Variants in ASTN2 observed in about 807,000 individuals in gnomAD.
ASTN2 encodes the protein astrotactin-2.
Under a neutral mutation model 139.8 loss-of-function variants are expected in ASTN2, and 54 were observed. The ratio of observed to expected loss-of-function variants is 0.39; its 90% CI spans 0.31 to 0.48. The LOEUF (loss-of-function observed/expected upper bound fraction) is 0.48. ASTN2 is among the 20% of genes least tolerant of loss of function. The pLI is 0.95. For missense variants in ASTN2, 1,565 were observed against 1,725.1 expected (o/e 0.91, Z 1.64); for synonymous variants, 756 against 719.5 (o/e 1.05, Z -0.81).
chr9:116,803,522 A>ATATATATATTTTT (rs1554748694), intron 13 of ASTN2, among the ~76,000 whole-genome samples: 4 of 21,122 alleles, frequency 1.9e-4, no homozygotes, highest in East Asian at 1.7e-3. Context: ...ATATATATAT[A>ATATATATATTTTT]TTTTTTTTTT....
chr9:116,562,928 G>C (rs919997606), intron 19 of ASTN2, among the ~76,000 whole-genome samples: 8 of 152,022 alleles, frequency 5.3e-5, no homozygotes, highest in African/African-American at 1.9e-4. Flanking sequence ...AAGTATGCTT[G>C]GTCTTAAAGA....
chr9:117,189,384 T>C (rs1831290100), intron 3 of ASTN2, among the ~76,000 whole-genome samples: 1 of 152,172 alleles, frequency 6.6e-6, no homozygotes, highest in Admixed American at 6.5e-5. Flanking sequence ...GTTGAAACGT[T>C]AAGATGGCAT....
intron 2 of ASTN2, among the ~76,000 whole-genome samples, chr9:117,237,584 A>T (rs1326532710): frequency 6.6e-6 from 1 of 152,126 alleles, no homozygotes; most frequent in Non-Finnish European, 1.5e-5. Context: ...GGTTCAAGCA[A>T]TTCTCTTGCC....
chr9:117,160,955 G>A (rs925720047), intron 3 of ASTN2, among the ~76,000 whole-genome samples: 13 of 151,546 alleles, frequency 8.6e-5, no homozygotes, highest in South Asian at 2.1e-4. Flanking sequence ...ACACACACAC[G>A]CACACATACA....
At chr9:116,658,748 T>TTA (rs1431405426) in intron 16 of ASTN2, among the ~76,000 whole-genome samples, 2 of 148,454 alleles carry the variant, frequency 1.3e-5, no homozygotes, top group Non-Finnish European at 3.0e-5. Flanking sequence ...TTTTTTTTTT[T>TTA]TTTTTTTTTT....
At chr9:116,544,750 G>A (rs954311032) in intron 19 of ASTN2, among the ~76,000 whole-genome samples, 2 of 152,148 alleles carry the variant, frequency 1.3e-5, no homozygotes, top group Admixed American at 6.5e-5. Context: ...TAGACCACAG[G>A]AGCAAACACA....
chr9:116,518,702 T>G (rs1850750047), intron 19 of ASTN2, among the ~76,000 whole-genome samples: 1 of 152,142 alleles, frequency 6.6e-6, no homozygotes, highest in Admixed American at 6.5e-5. Context: ...GCCTAAAGGC[T>G]CCACTTAAAA....
At position 116,851,769 on chromosome 9, in the gene ASTN2, C is replaced by G. The variant is rs141026196; in HGVS notation, c.2040+11814G>C. On this transcript the variant is annotated intron_variant, in intron 11 of 22. Transcript: ENST00000313400. Reference sequence around the variant, plus strand: ...TCCACCACTTCTGCCTGAAATTCCTCCAATGGAGAACCTCATCTTCTCCCT... The same window carrying G: ...TCCACCACTTCTGCCTGAAATTCCTGCAATGGAGAACCTCATCTTCTCCCT... Among the ~76,000 whole-genome samples, 922 of 152,282 alleles carry G rather than the reference C, an allele frequency of 6.1e-3. 8 individuals are homozygous for G. The highest frequency in any genetic ancestry group is 0.021 in the African/African-American group (867 of 41,558).
intron 11 of ASTN2, among the ~76,000 whole-genome samples, chr9:116,845,247 T>G (rs977719007): frequency 6.6e-6 from 1 of 152,174 alleles, no homozygotes; most frequent in Non-Finnish European, 1.5e-5. Context: ...CCCGAGTAGC[T>G]GGGACTACAG....
At chr9:117,037,815 C>G (rs1053429299) in intron 6 of ASTN2, among the ~76,000 whole-genome samples, 3 of 152,142 alleles carry the variant, frequency 2.0e-5, no homozygotes, top group African/African-American at 7.2e-5. Flanking sequence ...TTGCCATTTT[C>G]TGGCCACTTC....
chr9:116,488,154 T>C (rs1218277150), intron 19 of ASTN2, among the ~76,000 whole-genome samples: 1 of 152,214 alleles, frequency 6.6e-6, no homozygotes, highest in Non-Finnish European at 1.5e-5. Context: ...ATGTGCCACA[T>C]ATTTGTGATC....
Position 117,253,683 on chromosome 9 carries a change from C to T in ASTN2, c.630+37643G>A, listed in dbSNP as rs1007627354. On this transcript the variant is annotated intron_variant, in intron 2 of 22. Coordinates refer to ENST00000313400, the MANE Select transcript of ASTN2 (RefSeq NM_001365068.1). ...CAAGGAAATGGAAGCCAGAGAATTA[C>T]AGCAGTTGCCGGCAGTCGCTGTCCC... 3.3e-5 allele frequency among the ~76,000 whole-genome samples: 5 copies of T among 152,210 alleles called. No individual in the cohort carries two copies. In the East Asian group the frequency reaches 5.8e-4, roughly 18 times the overall value.
intron 4 of ASTN2, among the ~76,000 whole-genome samples, chr9:117,100,227 C>T (rs978124984): frequency 6.6e-6 from 1 of 152,214 alleles, no homozygotes; most frequent in African/African-American, 2.4e-5. Context: ...AAAGGCTTTC[C>T]CTTCTGGTCA....
At chr9:116,903,978 T>C (rs1564332801) in intron 10 of ASTN2, among the ~76,000 whole-genome samples, 1 of 152,196 alleles carries the variant, frequency 6.6e-6, no homozygotes, top group Admixed American at 6.5e-5. Flanking sequence ...TGATCAATGT[T>C]CATGTCTCAG....
intron 10 of ASTN2, among the ~76,000 whole-genome samples, chr9:116,864,516 C>G (rs1356070055): frequency 6.6e-6 from 1 of 152,186 alleles, no homozygotes; most frequent in Non-Finnish European, 1.5e-5. Context: ...AGATGGAATT[C>G]TCTACAATGG....
intron 14 of ASTN2, among the ~76,000 whole-genome samples, chr9:116,730,918 G>A (rs1006270072): frequency 1.3e-5 from 2 of 152,026 alleles, no homozygotes; most frequent in Non-Finnish European, 2.9e-5. Context: ...TTCTCCAATG[G>A]AATGGATGTC....
chr9:117,328,818 G>A (rs2130844549), intron 1 of ASTN2, among the ~76,000 whole-genome samples: 1 of 152,326 alleles, frequency 6.6e-6, no homozygotes, highest in South Asian at 2.1e-4. Context: ...TTTAGCAACA[G>A]GTCGCTGTGA....
At chr9:116,833,454 T>G (rs1277692452) in intron 11 of ASTN2, among the ~76,000 whole-genome samples, 1 of 151,780 alleles carries the variant, frequency 6.6e-6, no homozygotes. Flanking sequence ...TTTTTCTAGG[T>G]TCTTGAGGTG....
At chr9:117,402,546 C>G (rs2130964217) in intron 1 of ASTN2, among the ~76,000 whole-genome samples, 1 of 152,166 alleles carries the variant, frequency 6.6e-6, no homozygotes, top group Non-Finnish European at 1.5e-5. Flanking sequence ...AGTGTGATCC[C>G]AGACAAGAAG....
Sources: allele counts gnomAD v4.1 joint callset (sites outside exome capture counted in the v4.1 genomes callset), GRCh38; gene constraint gnomAD v4.1.1; transcripts MANE v1.5; gene names NCBI Gene and HGNC (gene_info 2026-07-23, HGNC 2026-07-21).